Variants in VEGFC observed in about 807,000 individuals in gnomAD.
VEGFC encodes the protein vascular endothelial growth factor C.
Under a neutral mutation model 46.1 loss-of-function variants are expected in VEGFC, and 12 were observed. The ratio of observed to expected loss-of-function variants is 0.26; its 90% CI spans 0.17 to 0.42. The LOEUF (loss-of-function observed/expected upper bound fraction) is 0.42. Among genes scored for constraint, VEGFC ranks in the 10% least tolerant of loss-of-function variants. VEGFC has a pLI of 1.00. For missense variants in VEGFC, 488 were observed against 529.4 expected (o/e 0.92, Z 0.77); for synonymous variants, 232 against 195.5 (o/e 1.19, Z -1.56).
intron 1 of VEGFC, among the ~76,000 whole-genome samples, chr4:176,741,430 G>C (rs1367642165): frequency 6.6e-6 from 1 of 151,844 alleles, no homozygotes; most frequent in Non-Finnish European, 1.5e-5. Context: ...AGTCCACTTA[G>C]GGGGTTGATT....
chr4:176,699,296 A>G (rs1346178777), intron 4 of VEGFC, among the ~76,000 whole-genome samples: 1 of 152,216 alleles, frequency 6.6e-6, no homozygotes, highest in Non-Finnish European at 1.5e-5. Context: ...GCTCTCATGC[A>G]TTCCTTCAGA....
At chr4:176,732,696 C>T (rs1245914787) in intron 1 of VEGFC, among the ~76,000 whole-genome samples, 1 of 149,486 alleles carries the variant, frequency 6.7e-6, no homozygotes, top group Admixed American at 6.7e-5. Flanking sequence ...AGAAAGAAAA[C>T]ACATTCATTG....
At position 176,787,052 on chromosome 4, in the gene VEGFC, T is replaced by C. The variant is rs28625115; in HGVS notation, c.147+5113A>G. 3.4e-3 allele frequency among the ~76,000 whole-genome samples: 519 copies of C among 152,248 alleles called. 3 individuals are homozygous for C. Among genetic ancestry groups the C allele is most frequent in the African/African-American group, 0.012 (494 of 41,538 alleles). ...AGGACTGATGGCAGCATCATGTAAA[T>C]AAATACATTACTATTTTCCCAGTGA... On this transcript the variant is annotated intron_variant, in intron 1 of 6. Coordinates refer to ENST00000618562, the MANE Select transcript of VEGFC (RefSeq NM_005429.5).
At chr4:176,711,705 T>A in intron 3 of VEGFC, 55 bp from the exon 4 acceptor site, 1 of 1,581,474 alleles carries the variant, frequency 6.3e-7, no homozygotes, top group South Asian at 1.1e-5. Context: ...TAAAGCACTT[T>A]TATGGTAAAT....
chr4:176,715,265 G>C (rs1235041804), intron 3 of VEGFC, among the ~76,000 whole-genome samples: 1 of 152,128 alleles, frequency 6.6e-6, no homozygotes, highest in Non-Finnish European at 1.5e-5. Flanking sequence ...AAAAATTAAA[G>C]TTAAAAAATT....
chr4:176,704,516 A>G (rs1734491165), intron 4 of VEGFC, among the ~76,000 whole-genome samples: 1 of 152,088 alleles, frequency 6.6e-6, no homozygotes, highest in African/African-American at 2.4e-5. Context: ...GCGGTTCCCA[A>G]GTCATATGCT....
In VEGFC at chr4:176,792,245, G is replaced by A. The variant is rs1736110371; in HGVS notation, c.67C>T (p.Arg23Cys). ...LLAAALLPGP[R>C]EAPAAAAAFE... ...GCGGCGGCGGCGGCGGGCGCCTCGC[G>A]AGGACCCGGGAGCAGCGCAGCGGCG... Residue 23 changes from arginine to cysteine, a missense_variant, in exon 1 of 7, where the codon CGC (arginine) becomes TGC (cysteine). Transcript: ENST00000618562. This position sits in a 1 kb window ranked among gnomAD's most constrained non-coding sequence, Gnocchi z 6.3. 2 of 1,555,108 alleles carry A rather than the reference G, an allele frequency of 1.3e-6. No individual in the cohort carries two copies. Among genetic ancestry groups the A allele is most frequent in the Non-Finnish European group, 1.7e-6 (2 of 1,153,730 alleles).
intron 1 of VEGFC, among the ~76,000 whole-genome samples, chr4:176,764,408 C>T (rs2333513): frequency 0.83 from 125,614 of 152,158 alleles, 53,426 homozygotes; most frequent in East Asian, 1. Context: ...AGAGGGTACA[C>T]AAAACAAGAG....
intron 3 of VEGFC, among the ~76,000 whole-genome samples, chr4:176,724,867 G>A (rs1464138195): frequency 6.6e-6 from 1 of 152,128 alleles, no homozygotes; most frequent in Admixed American, 6.6e-5. Context: ...TAAACGAGTG[G>A]ATCTCATGGA....
chr4:176,757,763 T>C (rs1031277174), intron 1 of VEGFC, among the ~76,000 whole-genome samples: 2 of 152,098 alleles, frequency 1.3e-5, no homozygotes, highest in African/African-American at 4.8e-5. Context: ...AATTCTCATA[T>C]AATTATCCTT....
chr4:176,740,211 A>G (rs1317126016), intron 1 of VEGFC, among the ~76,000 whole-genome samples: 1 of 124,004 alleles, frequency 8.1e-6, no homozygotes, highest in Admixed American at 9.1e-5. Context: ...TAGAATATAT[A>G]TCTATATATA....
At position 176,754,531 on chromosome 4, in the gene VEGFC, G is replaced by A. The variant is rs541691975; in HGVS notation, c.148-24785C>T. On this transcript the variant is annotated intron_variant, in intron 1 of 6. Transcript: ENST00000618562. ...TCCTTCCACATTCAAAGCCATCAAT[G>A]ACCAGATGAGTCTTTTTCACATCAC... Among the ~76,000 whole-genome samples, 3 of 152,040 alleles carry A rather than the reference G, an allele frequency of 2.0e-5. No individual in the cohort carries two copies. In the South Asian group the frequency reaches 6.2e-4, roughly 32 times the overall value.
At chr4:176,703,181 G>A (rs973052752) in intron 4 of VEGFC, among the ~76,000 whole-genome samples, 1 of 151,812 alleles carries the variant, frequency 6.6e-6, no homozygotes, top group African/African-American at 2.4e-5. Flanking sequence ...GGGGTAGAAG[G>A]GAACTTTTTT....
At chr4:176,745,135 C>G (rs1384166365) in intron 1 of VEGFC, among the ~76,000 whole-genome samples, 1 of 152,064 alleles carries the variant, frequency 6.6e-6, no homozygotes, top group African/African-American at 2.4e-5. Context: ...TTAGGGACTT[C>G]CAAGCTTTAC....
chr4:176,761,635 G>A (rs192526284), intron 1 of VEGFC, among the ~76,000 whole-genome samples: 29 of 152,294 alleles, frequency 1.9e-4, no homozygotes, highest in Admixed American at 3.9e-4. Context: ...AACAGTGAAC[G>A]AATGTGTGTG....
chr4:176,708,932 A>G (rs1734578128), intron 4 of VEGFC, among the ~76,000 whole-genome samples: 1 of 152,178 alleles, frequency 6.6e-6, no homozygotes, highest in Non-Finnish European at 1.5e-5. Context: ...CAGTTTATAT[A>G]TAAGTAAACT....
intron 1 of VEGFC, among the ~76,000 whole-genome samples, chr4:176,759,970 A>C (rs2110908603): frequency 6.6e-6 from 1 of 152,118 alleles, no homozygotes; most frequent in South Asian, 2.1e-4. Flanking sequence ...AAAATATGTA[A>C]AGAAATAAGT....
Position 176,741,979 on chromosome 4 carries a change from AT to A in VEGFC, c.148-12234del, listed in dbSNP as rs529835520. Among the ~76,000 whole-genome samples the A allele has an allele frequency of 1.4e-4, 22 of 151,860 alleles. No homozygotes were observed. The South Asian group carries it at 4.4e-3, about 30-fold the overall frequency. On this transcript the variant is annotated intron_variant, in intron 1 of 6. Coordinates refer to ENST00000618562, the MANE Select transcript of VEGFC (RefSeq NM_005429.5). Reference sequence around the variant, plus strand: ...TCCTCTGTTTTTTGTTTGCTTGTTAATTTTTTGTTTGATTTATTTTAGATTC... The same window carrying A: ...TCCTCTGTTTTTTGTTTGCTTGTTAATTTTTGTTTGATTTATTTTAGATTC...
chr4:176,744,817 C>A (rs80220941), intron 1 of VEGFC, among the ~76,000 whole-genome samples: 8,659 of 151,998 alleles, frequency 0.057, 331 homozygotes, highest in Non-Finnish European at 0.09. Flanking sequence ...AAAAGGTATG[C>A]AGCCAGTAAG....
Sources: gnomAD v4.1 joint callset for allele counts (sites outside exome capture counted in the v4.1 genomes callset) on GRCh38, gnomAD v4.1.1 for gene constraint, Gnocchi (gnomAD v3.1) non-coding constraint, MANE v1.5 for transcripts, NCBI Gene and HGNC (gene_info 2026-07-23, HGNC 2026-07-21) for gene names.